DMD: variants seen among roughly 807,000 people sequenced by gnomAD.
DMD encodes the protein dystrophin, also known as mutant dystrophin.
In DMD, 63 loss-of-function variants were observed where a neutral mutation model predicts 330.1. The ratio of observed to expected loss-of-function variants is 0.19; its 90% CI spans 0.16 to 0.24. DMD has a LOEUF of 0.24. Among genes scored for constraint, DMD ranks in the 10% least tolerant of loss-of-function variants. The pLI, the probability that DMD is intolerant of heterozygous loss-of-function variation, is 1.00. For synonymous variants in DMD, 1,223 were observed against 959.8 expected (o/e 1.27, Z -5.07); for missense variants, 3,344 against 2,684.1 (o/e 1.25, Z -5.43).
chrX:32,066,734 A>C (rs1044849431), intron 44 of DMD, among the ~76,000 whole-genome samples: 2 of 111,678 alleles, frequency 1.8e-5, no homozygotes, highest in Admixed American at 1.9e-4. Context: ...CACTTACGAA[A>C]TAAATAAATC....
intron 48 of DMD, among the ~76,000 whole-genome samples, chrX:31,842,860 C>A (rs1408484603): frequency 9.0e-6 from 1 of 111,359 alleles, no homozygotes; most frequent in Admixed American, 9.6e-5. Context: ...AGTTTTTCAA[C>A]TCTTGCCCCT....
chrX:31,336,864 T>C (rs1219978734), intron 61 of DMD, among the ~76,000 whole-genome samples: 4 of 111,394 alleles, frequency 3.6e-5, no homozygotes, highest in African/African-American at 1.3e-4. Context: ...CAAATGCATA[T>C]ACAGAAAGAA....
intron 19 of DMD, among the ~76,000 whole-genome samples, chrX:32,498,002 T>C (rs2043666956): frequency 8.9e-6 from 1 of 112,054 alleles, no homozygotes; most frequent in African/African-American, 3.2e-5. Context: ...TTAAGAAATG[T>C]AAAAATAAAC....
chrX:32,303,566 G>C (rs1446885251), intron 42 of DMD, among the ~76,000 whole-genome samples: 2 of 111,030 alleles, frequency 1.8e-5, no homozygotes, highest in Non-Finnish European at 3.8e-5. Context: ...GAAAATAATA[G>C]CTTTAAGCAG....
chrX:32,646,146 G>A (rs1002325394), intron 9 of DMD, among the ~76,000 whole-genome samples: 1 of 111,656 alleles, frequency 9.0e-6, no homozygotes, highest in African/African-American at 3.3e-5. Flanking sequence ...CTGTAAACCT[G>A]GCCATATGTT....
intron 60 of DMD, among the ~76,000 whole-genome samples, chrX:31,437,042 G>A (rs2064583246): frequency 8.9e-6 from 1 of 111,929 alleles, no homozygotes; most frequent in Non-Finnish European, 1.9e-5. Flanking sequence ...ATATGTTAGA[G>A]CAGTTTTTCC....
intron 44 of DMD, among the ~76,000 whole-genome samples, chrX:32,033,629 G>GA (rs1166743243): frequency 3.9e-5 from 2 of 50,688 alleles, no homozygotes; most frequent in African/African-American, 2.3e-4. Context: ...AAGAAAGAAA[G>GA]AAAGAAAGAA....
At chrX:32,023,454 G>A (rs2095822275) in intron 44 of DMD, among the ~76,000 whole-genome samples, 1 of 111,061 alleles carries the variant, frequency 9.0e-6, no homozygotes, top group African/African-American at 3.3e-5. Flanking sequence ...TCACAATATC[G>A]ACGTGTATGT....
intron 11 of DMD, among the ~76,000 whole-genome samples, chrX:32,625,334 G>T (rs1288097090): frequency 1.8e-5 from 2 of 111,538 alleles, no homozygotes; most frequent in Admixed American, 1.9e-4. Context: ...TGTATGGCTA[G>T]TAAGGCTCAG....
chrX:31,876,439 T>C (rs916223137), intron 47 of DMD, among the ~76,000 whole-genome samples: 8 of 112,167 alleles, frequency 7.1e-5, no homozygotes, highest in Admixed American at 6.6e-4. Flanking sequence ...ATAGGATTAC[T>C]GTTAGGACTC....
chrX:31,157,489 G>A (rs1307826089), intron 74 of DMD, among the ~76,000 whole-genome samples: 1 of 112,007 alleles, frequency 8.9e-6, no homozygotes, highest in Non-Finnish European at 1.9e-5. Context: ...TTTTAGAGGT[G>A]AAGAACTCTA....
intron 74 of DMD, among the ~76,000 whole-genome samples, chrX:31,158,729 A>T (rs1921384): frequency 0.11 from 12,330 of 111,730 alleles, 1,194 homozygotes; most frequent in African/African-American, 0.31. Context: ...AAAAGATATT[A>T]CCCCAGTGAA....
intron 30 of DMD, among the ~76,000 whole-genome samples, chrX:32,396,262 G>A (rs773846462): frequency 9.0e-6 from 1 of 111,184 alleles, no homozygotes; most frequent in Non-Finnish European, 1.9e-5. Flanking sequence ...TAAATAGTTA[G>A]AAAAACTGTT....
intron 73 of DMD, among the ~76,000 whole-genome samples, chrX:31,170,747 C>T (rs1489730551): frequency 9.0e-6 from 1 of 111,695 alleles, no homozygotes; most frequent in Non-Finnish European, 1.9e-5. Flanking sequence ...TTCCCCAAAC[C>T]TGCCCCTAAA....
At chrX:32,881,840 ACT>A (rs746038666) in intron 2 of DMD, among the ~76,000 whole-genome samples, 1 of 111,359 alleles carries the variant, frequency 9.0e-6, no homozygotes, top group African/African-American at 3.3e-5. Context: ...TGAGGCAAAG[ACT>A]CTGCAAACCG....
chrX:32,833,656 A>C (rs2079343464), intron 4 of DMD, among the ~76,000 whole-genome samples: 1 of 103,956 alleles, frequency 9.6e-6, no homozygotes. Flanking sequence ...TATAGCCCCA[A>C]CTTTTTAAGC....
chrX:31,129,488 A>C (rs1601996620), intron 77 of DMD, among the ~76,000 whole-genome samples: 1 of 112,154 alleles, frequency 8.9e-6, no homozygotes, highest in East Asian at 2.8e-4. Context: ...AGCGTAAAGC[A>C]GGGATTGGCA....
chrX:31,583,292 G>C (rs999864641), intron 55 of DMD, among the ~76,000 whole-genome samples: 4 of 111,698 alleles, frequency 3.6e-5, no homozygotes, highest in African/African-American at 1.3e-4. Context: ...GAAGAGATGT[G>C]GCATGGAAAG....
At chrX:32,339,008 T>A (rs2097728656) in intron 41 of DMD, among the ~76,000 whole-genome samples, 1 of 112,472 alleles carries the variant, frequency 8.9e-6, no homozygotes, top group Admixed American at 9.5e-5. Flanking sequence ...GAAAATATTT[T>A]AAAAATTAAA....
Sources: allele counts gnomAD v4.1 joint callset (sites outside exome capture counted in the v4.1 genomes callset), GRCh38; gene constraint gnomAD v4.1.1; transcripts MANE v1.5; gene names NCBI Gene and HGNC (gene_info 2026-07-23, HGNC 2026-07-21).